The following PRIMPOL variants were observed in gnomAD, a reference collection of about 807,000 sequenced individuals.
The protein encoded by PRIMPOL is DNA-directed primase/polymerase protein.
In PRIMPOL, 54 loss-of-function variants were observed where a neutral mutation model predicts 63.6. The ratio of observed to expected loss-of-function variants is 0.85; its 90% CI spans 0.68 to 1.07. The LOEUF is 1.07. Among genes scored for constraint, PRIMPOL ranks in the 50% least tolerant of loss-of-function variants. The pLI is 0.00. For missense variants in PRIMPOL, 610 were observed against 648.3 expected (o/e 0.94, Z 0.64); for synonymous variants, 197 against 220.2 (o/e 0.89, Z 0.93).
chr4:184,687,221 C>T (rs1298924101), intron 11 of PRIMPOL, among the ~76,000 whole-genome samples: 1 of 152,148 alleles, frequency 6.6e-6, no homozygotes, highest in Non-Finnish European at 1.5e-5. Context: ...CAAGTGTGTA[C>T]TACCATGCCC....
At chr4:184,661,990 G>T in intron 5 of PRIMPOL, 87 bp downstream of exon 5, 1 of 1,193,954 alleles carries the variant, frequency 8.4e-7, no homozygotes, top group South Asian at 1.8e-5. Context: ...ATAATAGTAG[G>T]TTCTGTATCT....
chr4:184,650,010 C>T (rs1311673962), intron 1 of PRIMPOL, 102 bp downstream of exon 1: 2 of 152,232 alleles, frequency 1.3e-5, no homozygotes, highest in Admixed American at 1.3e-4. Flanking sequence ...ATCAGGGTGC[C>T]AGGCTAGAAA....
At chr4:184,670,845 G>A (rs943440452) in intron 6 of PRIMPOL, among the ~76,000 whole-genome samples, 2 of 152,058 alleles carry the variant, frequency 1.3e-5, no homozygotes, top group Non-Finnish European at 2.9e-5. Context: ...CACCACACCT[G>A]GCTGAGTAGG....
chr4:184,690,732 C>G (rs1758303220), intron 11 of PRIMPOL, among the ~76,000 whole-genome samples: 1 of 152,288 alleles, frequency 6.6e-6, no homozygotes, highest in East Asian at 1.9e-4. Flanking sequence ...GTATCTTTAG[C>G]TATTCTTCTT....
chr4:184,683,749 C>T (rs1049067970), intron 9 of PRIMPOL, among the ~76,000 whole-genome samples: 1 of 151,914 alleles, frequency 6.6e-6, no homozygotes, highest in Non-Finnish European at 1.5e-5. Flanking sequence ...TTACATAAGC[C>T]CTCCAGTAAA....
chr4:184,693,650 A>G (rs894276305), intron 13 of PRIMPOL, among the ~76,000 whole-genome samples: 2 of 152,206 alleles, frequency 1.3e-5, no homozygotes, highest in African/African-American at 4.8e-5. Context: ...CCTAACCTAC[A>G]GAAATGTACA....
chr4:184,677,553 A>G (rs1223456389), intron 7 of PRIMPOL, among the ~76,000 whole-genome samples: 5 of 139,850 alleles, frequency 3.6e-5, no homozygotes, highest in Admixed American at 7.3e-5. Flanking sequence ...TAGTTTTGTT[A>G]TAAGTCTTTA....
At chr4:184,667,467 T>A (rs11729146) in intron 6 of PRIMPOL, among the ~76,000 whole-genome samples, 1 of 152,090 alleles carries the variant, frequency 6.6e-6, no homozygotes, top group Admixed American at 6.5e-5. Context: ...TGTGCCACCA[T>A]GCCCGGCTAA....
chr4:184,692,938 G>C (rs925339231), intron 13 of PRIMPOL, among the ~76,000 whole-genome samples: 22 of 152,200 alleles, frequency 1.4e-4, no homozygotes, highest in African/African-American at 5.3e-4. Flanking sequence ...CCATTTTTCT[G>C]TAACTTTTTT....
At chr4:184,684,820 T>A (rs925190255) in intron 9 of PRIMPOL, among the ~76,000 whole-genome samples, 1 of 151,906 alleles carries the variant, frequency 6.6e-6, no homozygotes, top group African/African-American at 2.4e-5. Flanking sequence ...TGAAAGGAAA[T>A]CAGAATAGAA....
intron 2 of PRIMPOL, among the ~76,000 whole-genome samples, chr4:184,655,390 C>G (rs1317716340): frequency 6.8e-6 from 1 of 146,240 alleles, no homozygotes; most frequent in Non-Finnish European, 1.5e-5. Flanking sequence ...GTGGTGCGAT[C>G]TCGGCTCACT....
In PRIMPOL at chr4:184,659,399, G is replaced by A; in HGVS notation, c.240G>A (p.Val80=). The change falls in exon 4 of 14, where the codon GTG becomes GTA. Residue 80 remains valine, a synonymous_variant. Transcript: ENST00000314970. The part of the protein sequence containing the change: ...KVGDGQRIYL[V]TTYAEFWFYY... The stretch of plus-strand genomic sequence containing the variant: ...GAGATGGACAACGTATTTACCTTGT[G>A]ACAACCTATGCTGAATTTTGGTTTT... 1 of 1,613,920 alleles carries A rather than the reference G, an allele frequency of 6.2e-7. No homozygotes were observed. The highest frequency in any genetic ancestry group is 8.5e-7 in the Non-Finnish European group (1 of 1,179,836).
intron 13 of PRIMPOL, among the ~76,000 whole-genome samples, chr4:184,693,753 G>A (rs1183754744): frequency 1.4e-5 from 2 of 146,014 alleles, no homozygotes; most frequent in African/African-American, 5.2e-5. Context: ...GTATACATAC[G>A]CATTATTTTT....
intron 13 of PRIMPOL, 94 bp downstream of exon 13, chr4:184,691,806 C>G: frequency 1.1e-6 from 1 of 879,556 alleles, no homozygotes; most frequent in Non-Finnish European, 1.8e-6. Context: ...AGCATTGAAA[C>G]CCATTTGCTA....
intron 6 of PRIMPOL, 47 bp downstream of exon 6, chr4:184,666,111 A>T: frequency 7.1e-7 from 1 of 1,414,692 alleles, no homozygotes; most frequent in South Asian, 1.3e-5. Context: ...TTCAAAACTC[A>T]TATGTTCTTA....
intron 6 of PRIMPOL, among the ~76,000 whole-genome samples, chr4:184,667,176 C>T (rs1750156201): frequency 6.6e-6 from 1 of 152,194 alleles, no homozygotes; most frequent in Non-Finnish European, 1.5e-5. Flanking sequence ...GCTGTTTTCA[C>T]AAGGCTCTCG....
At position 184,691,703 on chromosome 4, in the gene PRIMPOL, T is replaced by C; in HGVS notation, c.1416T>C (p.Leu472=). ...PLPAEVCLLF[L]FKEEEEFTTD... ...CTGCTGAAGTATGTCTCCTGTTTCT[T>C]TTCAAAGAGGTAAGTACAGATTTTA... The change falls in exon 13 of 14, where the codon CTT becomes CTC. Residue 472 remains leucine, a synonymous_variant. Transcript: ENST00000314970. The C allele has an allele frequency of 6.2e-6, 10 of 1,611,844 alleles. No homozygotes were observed. The highest frequency in any genetic ancestry group is 7.6e-6 in the Non-Finnish European group (9 of 1,178,300).
At chr4:184,661,527 C>T (rs1748298842) in intron 4 of PRIMPOL, among the ~76,000 whole-genome samples, 1 of 151,876 alleles carries the variant, frequency 6.6e-6, no homozygotes, top group Admixed American at 6.6e-5. Context: ...GCCAACATGG[C>T]GTAAACCCTG....
In PRIMPOL at chr4:184,657,165, CTG is replaced by C. The variant is rs1366763128; in HGVS notation, c.26_27del (p.Leu9GlnfsTer4). On this transcript the variant is annotated frameshift_variant, in exon 3 of 14. Coordinates refer to ENST00000314970, the MANE Select transcript of PRIMPOL (RefSeq NM_152683.4). LOFTEE classifies it high-confidence loss of function. MNRKWEAK[L>X]KQIEERASHY... is the part of the protein sequence containing the mutation. ...AATGAATAGAAAATGGGAAGCAAAA[CTG>C]AAGCAAATTGAAGAACGAGCATCTC... 3 of 1,609,452 alleles carry C rather than the reference CTG, an allele frequency of 1.9e-6. No individual in the cohort carries two copies. Among genetic ancestry groups the C allele is most frequent in the Non-Finnish European group, 2.5e-6 (3 of 1,178,240 alleles).
Sources: gnomAD v4.1 joint callset for allele counts (sites outside exome capture counted in the v4.1 genomes callset) on GRCh38, gnomAD v4.1.1 for gene constraint, MANE v1.5 for transcripts, NCBI Gene and HGNC (gene_info 2026-07-23, HGNC 2026-07-21) for gene names.